The following RASL12 variants were observed in gnomAD, a reference collection of about 807,000 sequenced individuals.
The protein encoded by RASL12 is RAS like family 12.
Under a neutral mutation model 22.9 loss-of-function variants are expected in RASL12, and 16 were observed. The observed-to-expected ratio is 0.70, with a 90% CI of 0.47 to 1.06. The LOEUF is 1.06. RASL12 is among the 50% of genes least tolerant of loss of function. RASL12 has a pLI of 0.00. For missense variants in RASL12, 306 were observed against 353.1 expected (o/e 0.87, Z 1.07); for synonymous variants, 159 against 152.2 (o/e 1.04, Z -0.33).
At chr15:65,075,664 C>G (rs1330607318) in intron 1 of RASL12, among the ~76,000 whole-genome samples, 1 of 103,956 alleles carries the variant, frequency 9.6e-6, no homozygotes, top group East Asian at 2.9e-4. Context: ...TGGTGGGGCC[C>G]TGGAGAACCT....
chr15:65,067,918 G>T lies in RASL12; in HGVS notation c.-83C>A. 2.2e-6 allele frequency: 3 copies of T among 1,337,096 alleles called. No homozygotes were observed. Among genetic ancestry groups the T allele is most frequent in the Non-Finnish European group, 2.9e-6 (3 of 1,047,906 alleles). 82.8% of individuals were successfully genotyped at this position (1,337,096 alleles called of 1,614,324 possible). ...CGCCCGTCGGGGCCCAGGGGAGCGG[G>T]ATGCAGGCTTCCCTGGAGCGCGCGG... On this transcript the variant is annotated 5_prime_UTR_variant, in exon 1 of 5. Coordinates refer to ENST00000220062, the MANE Select transcript of RASL12 (RefSeq NM_016563.4).
chr15:65,048,827 G>C (rs2086609020), downstream of RASL12, among the ~76,000 whole-genome samples: 1 of 152,064 alleles, frequency 6.6e-6, no homozygotes, highest in South Asian at 2.1e-4. Context: ...TGGCCAACAT[G>C]GTGAAACCCC....
chr15:65,069,515 C>T (rs1378175142), upstream of RASL12, among the ~76,000 whole-genome samples: 1 of 152,222 alleles, frequency 6.6e-6, no homozygotes, highest in African/African-American at 2.4e-5. Context: ...GGCCCAACTG[C>T]ATGTAAACTT....
At chr15:65,052,398 G>GGTT (rs1290999313), downstream of RASL12, among the ~76,000 whole-genome samples, 5 of 115,910 alleles carry the variant, frequency 4.3e-5, no homozygotes, top group Non-Finnish European at 8.4e-5. Flanking sequence ...TGCATCCTTG[G>GGTT]CTTTTTTTTT....
At position 65,054,754 on chromosome 15, in the gene RASL12, C is replaced by G; in HGVS notation, c.*145G>C. On this transcript the variant is annotated 3_prime_UTR_variant, in exon 5 of 5. Coordinates refer to ENST00000220062, the MANE Select transcript of RASL12 (RefSeq NM_016563.4). ...TCCCTGCCTGCCACTCCAGCTCACA[C>G]AGTGAATTGAGTGTAGGGACACTGC... is the stretch of plus-strand genomic sequence containing the variant. The G allele has an allele frequency of 6.8e-7, 1 of 1,466,994 alleles. No individual in the cohort carries two copies. Among genetic ancestry groups the G allele is most frequent in the Non-Finnish European group, 9.0e-7 (1 of 1,115,422 alleles). The allele number at this position is 1,466,994 out of a possible 1,614,324, so 90.9% of individuals were successfully genotyped here.
At chr15:65,055,372 G>GTAGGA in intron 4 of RASL12, 98 bp from the exon 5 acceptor site, 1 of 1,131,352 alleles carries the variant, frequency 8.8e-7, no homozygotes, top group Non-Finnish European at 1.2e-6. Context: ...CTAGCTGGGT[G>GTAGGA]GCCTGGGGTC....
At chr15:65,072,937 G>C (rs2086941265), upstream of RASL12, among the ~76,000 whole-genome samples, 1 of 152,126 alleles carries the variant, frequency 6.6e-6, no homozygotes, top group Non-Finnish European at 1.5e-5. Flanking sequence ...AAGAGTTCAA[G>C]ACCAGCCTGG....
chr15:65,059,264 G>A, intron 3 of RASL12, 81 bp downstream of exon 3: 1 of 1,219,430 alleles, frequency 8.2e-7, no homozygotes, highest in Non-Finnish European at 1.2e-6. Flanking sequence ...ATGCCTATCT[G>A]AGGTCCCGCA....
intron 2 of RASL12, among the ~76,000 whole-genome samples, chr15:65,063,583 G>T (rs936250087): frequency 3.9e-5 from 6 of 152,168 alleles, no homozygotes; most frequent in African/African-American, 1.4e-4. Flanking sequence ...CCAAGGCACC[G>T]GGGGTCAAGC....
chr15:65,065,803 G>A (rs778876339), intron 1 of RASL12, among the ~76,000 whole-genome samples: 2 of 152,134 alleles, frequency 1.3e-5, no homozygotes, highest in Non-Finnish European at 2.9e-5. Flanking sequence ...TCTGTGTCCC[G>A]AAGAAACACA....
Position 65,067,723 on chromosome 15 carries a change from C to T in RASL12, c.103+10G>A, listed in dbSNP as rs1265425242. On this transcript the variant is annotated intron_variant, in intron 1 of 4. Coordinates refer to ENST00000220062, the MANE Select transcript of RASL12 (RefSeq NM_016563.4). The stretch of plus-strand genomic sequence containing the variant: ...GCACTTGGCGGCTCAGGCTCCCCGG[C>T]GCCACTCACCAGACTTGCCAGCCCC... 1.9e-6 allele frequency: 3 copies of T among 1,547,828 alleles called. No homozygotes were observed. The highest frequency in any genetic ancestry group is 2.8e-5 in the African/African-American group (2 of 71,800).
upstream of RASL12, among the ~76,000 whole-genome samples, chr15:65,072,956 G>T (rs1460707397): frequency 6.6e-6 from 1 of 152,120 alleles, no homozygotes; most frequent in Non-Finnish European, 1.5e-5. Context: ...GGCCAACAAG[G>T]TGAAACCCCG....
At chr15:65,051,853 G>C (rs1194141539), downstream of RASL12, among the ~76,000 whole-genome samples, 3 of 152,174 alleles carry the variant, frequency 2.0e-5, no homozygotes, top group African/African-American at 7.2e-5. Flanking sequence ...ATGACCTGGA[G>C]GAGTGTAGCC....
downstream of RASL12, chr15:65,052,958 C>A: frequency 1.4e-6 from 2 of 1,453,762 alleles, no homozygotes; most frequent in Non-Finnish European, 1.9e-6. Flanking sequence ...TGTTCCCTGT[C>A]CCCCCAGAAA....
At chr15:65,068,101 G>A, upstream of RASL12, 1 of 1,045,290 alleles carries the variant, frequency 9.6e-7, no homozygotes, top group African/African-American at 1.7e-5. The surrounding 1 kb of genome is among the most constrained non-coding windows in gnomAD (Gnocchi z 4.2). Flanking sequence ...GCGCTCAGCC[G>A]GCTCCTGGAG....
intron 2 of RASL12, among the ~76,000 whole-genome samples, chr15:65,062,569 C>A (rs1459419575): frequency 6.6e-6 from 1 of 152,216 alleles, no homozygotes; most frequent in Non-Finnish European, 1.5e-5. Flanking sequence ...AGGAGCTCTT[C>A]TTTAAAGGGT....
upstream of RASL12, chr15:65,068,004 G>A (rs1455677976): frequency 8.7e-6 from 10 of 1,150,382 alleles, no homozygotes; most frequent in African/African-American, 1.6e-4. This position sits in a 1 kb window ranked among gnomAD's most constrained non-coding sequence, Gnocchi z 4.2. Context: ...CACCCCGCGG[G>A]GAGGAGGGGC....
chr15:65,059,451 A>G (rs1227297250), intron 2 of RASL12, 33 bp from the exon 3 acceptor site: 1 of 1,566,462 alleles, frequency 6.4e-7, no homozygotes, highest in Non-Finnish European at 8.8e-7. Flanking sequence ...GGTCAGACAC[A>G]GTGCCTTGGG....
upstream of RASL12, among the ~76,000 whole-genome samples, chr15:65,068,633 C>G (rs1395320815): frequency 6.6e-6 from 1 of 152,196 alleles, no homozygotes; most frequent in East Asian, 1.9e-4. This position sits in a 1 kb window ranked among gnomAD's most constrained non-coding sequence, Gnocchi z 4.2. Context: ...TGTTTGTGGC[C>G]TGTTGTGTAA....
Sources: gnomAD v4.1 joint callset for allele counts (sites outside exome capture counted in the v4.1 genomes callset) on GRCh38, gnomAD v4.1.1 for gene constraint, Gnocchi (gnomAD v3.1) non-coding constraint, MANE v1.5 for transcripts, NCBI Gene and HGNC (gene_info 2026-07-23, HGNC 2026-07-21) for gene names.